The following LAPTM4B variants were observed in gnomAD, a reference collection of about 807,000 sequenced individuals.
LAPTM4B encodes lysosomal protein transmembrane 4 beta.
LAPTM4B carries 26 observed loss-of-function variants against 28.5 expected under a neutral mutation model. The ratio of observed to expected loss-of-function variants is 0.91; its 90% confidence interval spans 0.67 to 1.27. The LOEUF (loss-of-function observed/expected upper bound fraction) is 1.27. LAPTM4B is among the 50% of genes most tolerant of loss of function. The pLI is 0.00. For missense variants in LAPTM4B, 288 were observed against 285.8 expected (o/e 1.01, Z -0.06); for synonymous variants, 109 against 106.4 (o/e 1.02, Z -0.15).
intron 1 of LAPTM4B, among the ~76,000 whole-genome samples, chr8:97,776,342 G>A (rs572854919): frequency 4.6e-5 from 7 of 152,336 alleles, no homozygotes; most frequent in African/African-American, 1.7e-4. Flanking sequence ...GCGGAGGGCC[G>A]CACTCGACCC....
chr8:97,805,365 G>C lies in LAPTM4B; in HGVS notation c.112G>C (p.Val38Leu), dbSNP rs1816743836. 2 of 1,461,198 alleles carry C rather than the reference G, an allele frequency of 1.4e-6. No individual in the cohort carries two copies. The highest frequency in any genetic ancestry group is 1.8e-4 in the Middle Eastern group (1 of 5,564). 90.5% of individuals were successfully genotyped at this position (1,461,198 alleles called of 1,614,324 possible). A position where few individuals can be genotyped will look rare whatever the true frequency, so the allele number is the denominator to read the frequency against. The change falls in exon 2 of 7, where the codon GTG becomes CTG. Residue 38 changes from valine (V) to leucine (L), a missense_variant. Physicochemically the swap from Val to Leu is conservative, Grantham distance 32. Transcript: ENST00000521545. The part of the protein sequence containing the change: ...LGVWYLIINA[V>L]VLLILLSALA... Reference sequence around the variant, plus strand: ...TTTCTTGTTGCAGATCATCAATGCTGTGGTACTGTTGATTTTATTGAGTGC... The same window carrying C: ...TTTCTTGTTGCAGATCATCAATGCTCTGGTACTGTTGATTTTATTGAGTGC...
At chr8:97,810,133 G>A (rs986180079) in intron 2 of LAPTM4B, among the ~76,000 whole-genome samples, 12 of 151,928 alleles carry the variant, frequency 7.9e-5, no homozygotes, top group African/African-American at 2.9e-4. Flanking sequence ...TGTTGCCCAG[G>A]CTGGTCTCAA....
intron 2 of LAPTM4B, among the ~76,000 whole-genome samples, chr8:97,808,810 A>G (rs1816789596): frequency 6.6e-6 from 1 of 151,902 alleles, no homozygotes; most frequent in African/African-American, 2.4e-5. Flanking sequence ...AATACAAAAA[A>G]AGTAGCCAGG....
At chr8:97,834,072 C>T (rs1817223773) in intron 6 of LAPTM4B, among the ~76,000 whole-genome samples, 1 of 149,158 alleles carries the variant, frequency 6.7e-6, no homozygotes, top group African/African-American at 2.5e-5. Context: ...AATTCTAGTG[C>T]TTTGGGAGGA....
chr8:97,804,501 GTTGT>G (rs1451867354), intron 1 of LAPTM4B, among the ~76,000 whole-genome samples: 1 of 152,184 alleles, frequency 6.6e-6, no homozygotes, highest in Non-Finnish European at 1.5e-5. Context: ...CAGCTTGGTA[GTTGT>G]TTGTTCCTGG....
At chr8:97,828,580 T>A (rs890885744) in intron 6 of LAPTM4B, among the ~76,000 whole-genome samples, 1 of 152,208 alleles carries the variant, frequency 6.6e-6, no homozygotes, top group African/African-American at 2.4e-5. Flanking sequence ...TTTTTTGATA[T>A]TGTCGTATAC....
rs993450961 is a variant in LAPTM4B at position 97,816,080 on chromosome 8, C to T, written c.308C>T (p.Pro103Leu). 4.3e-6 allele frequency: 7 copies of T among 1,613,126 alleles called. No homozygotes were observed. In the Admixed American group the frequency reaches 6.7e-5, roughly 15 times the overall value. The change falls in exon 4 of 7, where the codon CCA becomes CTA. Residue 103 changes from proline to leucine, a missense_variant. Transcript: ENST00000521545. Reference sequence around the variant, plus strand: ...TAGCAACGCGCAGCCTGGATCATCCCATTCTTCTGTTACCAGATCTTTGAC... The same window carrying T: ...TAGCAACGCGCAGCCTGGATCATCCTATTCTTCTGTTACCAGATCTTTGAC... ...AYKQRAAWIIPFFCYQIFDFA... is the reference protein window; with the variant it reads ...AYKQRAAWIILFFCYQIFDFA...
chr8:97,807,822 C>G (rs1028836800), intron 2 of LAPTM4B, among the ~76,000 whole-genome samples: 4 of 150,722 alleles, frequency 2.7e-5, no homozygotes, highest in African/African-American at 9.8e-5. Context: ...CCATCATCTT[C>G]CACCACTGTT....
chr8:97,828,349 A>G (rs1404594601), intron 6 of LAPTM4B, among the ~76,000 whole-genome samples: 1 of 152,180 alleles, frequency 6.6e-6, no homozygotes, highest in Admixed American at 6.5e-5. Flanking sequence ...AGTTGTTAAA[A>G]GGAGCATATG....
At chr8:97,808,462 A>G (rs900397536) in intron 2 of LAPTM4B, among the ~76,000 whole-genome samples, 4 of 100,776 alleles carry the variant, frequency 4.0e-5, no homozygotes, top group African/African-American at 1.3e-4. Flanking sequence ...TTAAAATAAA[A>G]TTAAATAATC....
At chr8:97,782,165 A>G (rs1402543941) in intron 1 of LAPTM4B, among the ~76,000 whole-genome samples, 2 of 150,096 alleles carry the variant, frequency 1.3e-5, no homozygotes, top group African/African-American at 4.9e-5. Context: ...TTTTTAGTAG[A>G]TAACAGGATT....
At chr8:97,776,703 GT>G (rs1816225485) in intron 1 of LAPTM4B, among the ~76,000 whole-genome samples, 1 of 151,084 alleles carries the variant, frequency 6.6e-6, no homozygotes, top group South Asian at 2.1e-4. Context: ...CCCCCCCGAT[GT>G]TTTAAAGCCC....
chr8:97,816,662 T>G (rs1278806868), intron 4 of LAPTM4B, among the ~76,000 whole-genome samples: 1 of 152,186 alleles, frequency 6.6e-6, no homozygotes, highest in Non-Finnish European at 1.5e-5. Flanking sequence ...TGTGCCTACC[T>G]AAATTATAGT....
intron 1 of LAPTM4B, among the ~76,000 whole-genome samples, chr8:97,797,938 G>A (rs1185091105): frequency 6.6e-6 from 1 of 152,190 alleles, no homozygotes; most frequent in Non-Finnish European, 1.5e-5. Context: ...GGATCAGTTT[G>A]TAAATAGAAC....
Position 97,805,337 on chromosome 8 carries a change from T to G in LAPTM4B, c.100-16T>G. 1 of 1,311,928 alleles carries G rather than the reference T, an allele frequency of 7.6e-7. No individual in the cohort carries two copies. The highest frequency in any genetic ancestry group is 1.1e-6 in the Non-Finnish European group (1 of 933,280). The allele number at this position is 1,311,928 out of a possible 1,614,324, so 81.3% of individuals were successfully genotyped here. On this transcript the variant is annotated splice_polypyrimidine_tract_variant and intron_variant, in intron 1 of 6. Coordinates refer to ENST00000521545, the MANE Select transcript of LAPTM4B (RefSeq NM_018407.6). Reference sequence around the variant, plus strand: ...GTTACTTAAATTCTTTTTTTTTTTTTTTTTTCTTGTTGCAGATCATCAATG... The same window carrying G: ...GTTACTTAAATTCTTTTTTTTTTTTGTTTTTCTTGTTGCAGATCATCAATG...
chr8:97,805,176 T>C (rs577017771), intron 1 of LAPTM4B, among the ~76,000 whole-genome samples, 177 bp from the exon 2 acceptor site: 28 of 152,208 alleles, frequency 1.8e-4, no homozygotes, highest in Non-Finnish European at 3.7e-4. Context: ...GCAGCATTTC[T>C]GCCTTGGGAA....
chr8:97,779,685 T>G (rs1325713082), intron 1 of LAPTM4B, among the ~76,000 whole-genome samples: 2 of 149,612 alleles, frequency 1.3e-5, no homozygotes, highest in Non-Finnish European at 3.0e-5. Context: ...CTCAGGAGGC[T>G]GAGGCATGAG....
At chr8:97,828,833 G>A (rs2512042) in intron 6 of LAPTM4B, among the ~76,000 whole-genome samples, 69,686 of 151,950 alleles carry the variant, frequency 0.46, 16,211 homozygotes, top group East Asian at 0.57. Context: ...TTCCGATTGC[G>A]GCAGTGGAAA....
Sources: gnomAD v4.1 joint callset for allele counts (sites outside exome capture counted in the v4.1 genomes callset) on GRCh38, gnomAD v4.1.1 for gene constraint, MANE v1.5 for transcripts, NCBI Gene and HGNC (gene_info 2026-07-23, HGNC 2026-07-21) for gene names.